PLS1: variants seen among roughly 807,000 people sequenced by gnomAD.
The protein encoded by PLS1 is plastin 1, also known as plastin-1.
In PLS1, 32 loss-of-function variants were observed where a neutral mutation model predicts 73.7. That is an observed-to-expected ratio of 0.43 (90% CI 0.33 to 0.58). The LOEUF is 0.58. Among genes scored for constraint, PLS1 ranks in the 20% least tolerant of loss-of-function variants. The pLI, the probability that PLS1 is intolerant of heterozygous loss-of-function variation, is 0.04. For missense variants in PLS1, 633 were observed against 740.5 expected, an observed-to-expected ratio of 0.85 and a Z score of 1.68; for synonymous variants, 217 against 261.3, an observed-to-expected ratio of 0.83 and a Z score of 1.63.
intron 14 of PLS1, among the ~76,000 whole-genome samples, chr3:142,705,325 G>A (rs974574014): frequency 6.6e-6 from 1 of 152,040 alleles, no homozygotes; most frequent in Non-Finnish European, 1.5e-5. Flanking sequence ...CAGCCAAACC[G>A]ATTCAAGTGG....
At chr3:142,665,667 G>C (rs894052310) in intron 2 of PLS1, among the ~76,000 whole-genome samples, 17 of 151,900 alleles carry the variant, frequency 1.1e-4, no homozygotes, top group Non-Finnish European at 2.4e-4. Context: ...CCCAGGTCTT[G>C]GTAAAATAAA....
At chr3:142,653,879 G>A (rs2037158816) in intron 1 of PLS1, among the ~76,000 whole-genome samples, 2 of 152,174 alleles carry the variant, frequency 1.3e-5, no homozygotes, top group African/African-American at 2.4e-5. Context: ...GGCATTAACA[G>A]TTGAACCTGA....
intron 5 of PLS1, among the ~76,000 whole-genome samples, chr3:142,676,787 A>T (rs1246199512): frequency 2.0e-5 from 3 of 152,194 alleles, no homozygotes; most frequent in Non-Finnish European, 4.4e-5. Context: ...TGTTGTGTGT[A>T]CCACAGTCCC....
chr3:142,694,560 T>G lies in PLS1; in HGVS notation c.1256+13T>G. The stretch of plus-strand genomic sequence containing the variant: ...ATCATTTGTACAGGTAAATATTTTA[T>G]TGTGCTTCAGCTTTACTGTCAGGGT... On this transcript the variant is annotated intron_variant, in intron 11 of 15. Transcript: ENST00000457734. 6.7e-7 allele frequency: 1 copy of G among 1,494,954 alleles called. No individual in the cohort carries two copies. Among genetic ancestry groups the G allele is most frequent in the African/African-American group, 1.4e-5 (1 of 72,368 alleles). The allele number at this position is 1,494,954 out of a possible 1,614,324, so 92.6% of individuals were successfully genotyped here.
chr3:142,638,539 A>G (rs1055370283), intron 1 of PLS1, among the ~76,000 whole-genome samples: 3 of 152,096 alleles, frequency 2.0e-5, no homozygotes, highest in Admixed American at 2.0e-4. Flanking sequence ...GGTGTTTAGC[A>G]TGTGTCTTTA....
chr3:142,622,753 G>A (rs1024679550), intron 1 of PLS1, among the ~76,000 whole-genome samples: 10 of 152,160 alleles, frequency 6.6e-5, no homozygotes, highest in Non-Finnish European at 1.5e-4. Flanking sequence ...TTTTAACGCT[G>A]TATAATACTA....
chr3:142,690,942 G>C (rs2038072643), intron 10 of PLS1, among the ~76,000 whole-genome samples: 1 of 152,100 alleles, frequency 6.6e-6, no homozygotes, highest in East Asian at 1.9e-4. Flanking sequence ...CCAATCTTAA[G>C]ATTTTTCTTG....
chr3:142,675,479 T>A (rs905307879), intron 4 of PLS1, among the ~76,000 whole-genome samples: 2 of 152,056 alleles, frequency 1.3e-5, no homozygotes, highest in Non-Finnish European at 2.9e-5. Context: ...GCCTCCTGGG[T>A]TCATGTCATT....
intron 1 of PLS1, among the ~76,000 whole-genome samples, chr3:142,600,898 A>AT (rs2035905356): frequency 3.6e-5 from 1 of 27,880 alleles, no homozygotes; most frequent in African/African-American, 2.3e-4. Context: ...ATATATATAT[A>AT]TATATATATA....
intron 1 of PLS1, among the ~76,000 whole-genome samples, chr3:142,652,883 T>A (rs1203061167): frequency 6.6e-6 from 1 of 152,250 alleles, no homozygotes; most frequent in Non-Finnish European, 1.5e-5. Context: ...CAAATAACAT[T>A]TGAACCTCTG....
chr3:142,605,046 A>G (rs980719803), intron 1 of PLS1, among the ~76,000 whole-genome samples: 1 of 152,152 alleles, frequency 6.6e-6, no homozygotes, highest in East Asian at 1.9e-4. Flanking sequence ...AAGTTTAGAT[A>G]CCTGAAACCA....
intron 1 of PLS1, among the ~76,000 whole-genome samples, chr3:142,632,499 A>C (rs1383868359): frequency 6.6e-6 from 1 of 152,192 alleles, no homozygotes; most frequent in Non-Finnish European, 1.5e-5. Context: ...GCCATTATAG[A>C]AAGCAGTATG....
chr3:142,711,693 T>C, intron 15 of PLS1, 68 bp downstream of exon 15: 1 of 1,397,306 alleles, frequency 7.2e-7, no homozygotes, highest in Non-Finnish European at 9.8e-7. Context: ...TAGGAAAAGT[T>C]ACTATGCCCT....
intron 1 of PLS1, among the ~76,000 whole-genome samples, chr3:142,629,673 C>A (rs1274414764): frequency 6.6e-6 from 1 of 152,120 alleles, no homozygotes; most frequent in Admixed American, 6.5e-5. Flanking sequence ...TCTTACCAGC[C>A]ACACGGTAAA....
At chr3:142,642,118 GT>G (rs1347226818) in intron 1 of PLS1, among the ~76,000 whole-genome samples, 4 of 152,102 alleles carry the variant, frequency 2.6e-5, no homozygotes, top group Admixed American at 2.6e-4. Flanking sequence ...ATTTCTACAT[GT>G]TTCCCTTGTC....
chr3:142,675,431 G>A (rs2037700652), intron 4 of PLS1, among the ~76,000 whole-genome samples: 1 of 151,916 alleles, frequency 6.6e-6, no homozygotes, highest in African/African-American at 2.4e-5. Context: ...TCACCAGGCT[G>A]GAGTGCAGTG....
chr3:142,611,593 A>G (rs1269521893), intron 1 of PLS1, among the ~76,000 whole-genome samples: 1 of 152,176 alleles, frequency 6.6e-6, no homozygotes, highest in East Asian at 1.9e-4. Flanking sequence ...CTGTACTGCA[A>G]CCTTGGCAAC....
At chr3:142,607,170 A>T (rs1230073828) in intron 1 of PLS1, among the ~76,000 whole-genome samples, 1 of 152,220 alleles carries the variant, frequency 6.6e-6, no homozygotes, top group South Asian at 2.1e-4. Context: ...TTAAAAAAAA[A>T]CCAATAGACT....
intron 1 of PLS1, among the ~76,000 whole-genome samples, chr3:142,607,400 C>T (rs1183564258): frequency 6.6e-6 from 1 of 152,204 alleles, no homozygotes; most frequent in Non-Finnish European, 1.5e-5. Context: ...CTGCCTCAGC[C>T]TCCTGAGTGG....
Sources: allele counts gnomAD v4.1 joint callset (sites outside exome capture counted in the v4.1 genomes callset), GRCh38; gene constraint gnomAD v4.1.1; transcripts MANE v1.5; gene names NCBI Gene and HGNC (gene_info 2026-07-23, HGNC 2026-07-21).